Variants in ANKDD1A observed in about 807,000 individuals in gnomAD.
ANKDD1A encodes the protein ankyrin repeat and death domain containing 1A.
A neutral mutation model predicts 63.5 loss-of-function variants in ANKDD1A; 59 were observed. That is an observed-to-expected ratio of 0.93 (90% CI 0.75 to 1.15). The LOEUF (loss-of-function observed/expected upper bound fraction) is 1.15, where lower values mean the gene tolerates loss of function less well. Among genes scored for constraint, ANKDD1A ranks in the 50% most tolerant of loss-of-function variants. ANKDD1A has a pLI of 0.00. For synonymous variants in ANKDD1A, 266 were observed against 263.9 expected (o/e 1.01, Z -0.08); for missense variants, 632 against 656.4 (o/e 0.96, Z 0.41).
In ANKDD1A at chr15:64,949,865, G is replaced by A. The variant is rs534249413; in HGVS notation, c.1376G>A (p.Gly459Asp). The A allele has an allele frequency of 4.4e-6, 7 of 1,603,260 alleles. No individual in the cohort carries two copies. Among genetic ancestry groups the A allele is most frequent in the South Asian group, 1.1e-5 (1 of 91,080 alleles). ...WTGTRSYQEH[G>D]HRMLLIWLHG... ...GGCACCAGGAGCTATCAGGAGCACG[G>A]CCACCGAATGCTGCTCATTTGGCTG... is the stretch of plus-strand genomic sequence containing the variant. The change falls in exon 14 of 15, where the codon GGC becomes GAC. Residue 459 changes from glycine to aspartate, a missense_variant. Gly to Asp is a moderately conservative substitution (Grantham distance 94, BLOSUM62 -1). Transcript: ENST00000319580.
At chr15:64,954,921 C>T (rs1206273452) in intron 14 of ANKDD1A, among the ~76,000 whole-genome samples, 1 of 29,124 alleles carries the variant, frequency 3.4e-5, no homozygotes, top group Non-Finnish European at 2.5e-4. Context: ...TCTTCTCTCT[C>T]CTTCTTCTCC....
chr15:64,945,625 T>TATATATATATATATATATAG (rs2085217357), intron 12 of ANKDD1A, among the ~76,000 whole-genome samples: 1 of 60,806 alleles, frequency 1.6e-5, no homozygotes, highest in Admixed American at 2.6e-4. Flanking sequence ...TATATATATA[T>TATATATATATATATATATAG]ATATATGAAC....
intron 14 of ANKDD1A, chr15:64,951,324 TTTCC>T (rs1566915402): frequency 1.4e-6 from 1 of 705,036 alleles, no homozygotes; most frequent in South Asian, 7.0e-5. Context: ...TTCTTTCTTC[TTTCC>T]TCTTTTTCTT....
intron 3 of ANKDD1A, among the ~76,000 whole-genome samples, chr15:64,919,018 A>G (rs1216685648): frequency 6.6e-6 from 1 of 152,198 alleles, no homozygotes; most frequent in Non-Finnish European, 1.5e-5. Context: ...TTGAAAAATA[A>G]GACAGCCTGC....
chr15:64,951,545 T>G (rs1277933480), intron 14 of ANKDD1A: 2 of 61,442 alleles, frequency 3.3e-5, no homozygotes, highest in Non-Finnish European at 6.6e-5. Context: ...CCCTCTTCTT[T>G]CTTCTCTTCT....
chr15:64,948,335 C>A (rs1164648771), intron 13 of ANKDD1A, among the ~76,000 whole-genome samples: 1 of 152,132 alleles, frequency 6.6e-6, no homozygotes, highest in Non-Finnish European at 1.5e-5. Context: ...ATATAAATAT[C>A]AGTTTTTCTC....
rs773434100 is a variant in ANKDD1A at position 64,926,053 on chromosome 15, C to T, written c.367-13C>T. The T allele has an allele frequency of 2.7e-5, 44 of 1,610,122 alleles. No homozygotes were observed. The highest frequency in any genetic ancestry group is 6.6e-5 in the South Asian group (6 of 90,308). ...TTCACAGACTGCAGGAACCCTCCTG[C>T]ACTTGTTTCCAGGATGGCCTGACCT... On this transcript the variant is annotated splice_polypyrimidine_tract_variant and intron_variant, in intron 4 of 14. Coordinates refer to ENST00000319580, the MANE Select transcript of ANKDD1A (RefSeq NM_182703.6).
At chr15:64,954,286 T>G (rs1195946596) in intron 14 of ANKDD1A, among the ~76,000 whole-genome samples, 1 of 104,296 alleles carries the variant, frequency 9.6e-6, no homozygotes, top group Non-Finnish European at 2.0e-5. Context: ...TTCTTCCTTC[T>G]TAGTTCTCCT....
intron 13 of ANKDD1A, 131 bp from the exon 14 acceptor site, chr15:64,949,709 CT>C: frequency 1.5e-6 from 2 of 1,368,734 alleles, no homozygotes; most frequent in South Asian, 2.7e-5. Flanking sequence ...GGAGAAGGGC[CT>C]TGGAGGCTTT....
Position 64,957,463 on chromosome 15 carries a change from A to ATCT in ANKDD1A, c.*277_*279dup, listed in dbSNP as rs201604257. On this transcript the variant is annotated 3_prime_UTR_variant, in exon 15 of 15. Coordinates refer to ENST00000319580, the MANE Select transcript of ANKDD1A (RefSeq NM_182703.6). ...ATTATTTTCAGTTTTCCAAAATTCT[A>ATCT]TCTTTAAACCTAAATAATTCAATTT... The ATCT allele has an allele frequency of 1.9e-5, 1 of 53,042 alleles. No individual in the cohort carries two copies. The highest frequency in any genetic ancestry group is 3.2e-4 in the Admixed American group (1 of 3,148). 3.3% of individuals were successfully genotyped at this position (53,042 alleles called of 1,614,324 possible). A position where few individuals can be genotyped will look rare whatever the true frequency, so the allele number is the denominator to read the frequency against.
chr15:64,913,324 G>T (rs752205026), intron 1 of ANKDD1A, among the ~76,000 whole-genome samples: 2 of 152,166 alleles, frequency 1.3e-5, no homozygotes, highest in Non-Finnish European at 2.9e-5. Flanking sequence ...TAGAACCCAG[G>T]CCTCTGTAAG....
At chr15:64,939,168 TTG>T (rs2085160456) in intron 9 of ANKDD1A, among the ~76,000 whole-genome samples, 1 of 151,888 alleles carries the variant, frequency 6.6e-6, no homozygotes, top group Non-Finnish European at 1.5e-5. Context: ...GCATGGTAGC[TTG>T]CACCTGTAAT....
At chr15:64,913,464 T>G (rs1595844587) in intron 1 of ANKDD1A, among the ~76,000 whole-genome samples, 1 of 151,124 alleles carries the variant, frequency 6.6e-6, no homozygotes, top group South Asian at 2.1e-4. Context: ...TGCCAGGGGG[T>G]TTTCATATCT....
Position 64,943,595 on chromosome 15 carries a change from A to G in ANKDD1A, c.1065+13A>G, listed in dbSNP as rs374249541. ...CCTGAGAGATAAGGTACCTCTGCTT[A>G]CAACCCACCTCGCTTCAGGCTTTCA... On this transcript the variant is annotated intron_variant, in intron 11 of 14. Transcript: ENST00000319580. 15 of 1,612,902 alleles carry G rather than the reference A, an allele frequency of 9.3e-6. No individual in the cohort carries two copies. Among genetic ancestry groups the G allele is most frequent in the Non-Finnish European group, 1.2e-5 (14 of 1,179,012 alleles).
chr15:64,938,902 G>A (rs1306066641), intron 9 of ANKDD1A, among the ~76,000 whole-genome samples: 3 of 150,142 alleles, frequency 2.0e-5, no homozygotes, highest in Admixed American at 2.0e-4. Flanking sequence ...CCGAGATCGC[G>A]CCACTGCACG....
intron 9 of ANKDD1A, among the ~76,000 whole-genome samples, chr15:64,941,426 T>C (rs2085183987): frequency 6.6e-6 from 1 of 152,194 alleles, no homozygotes; most frequent in Admixed American, 6.5e-5. Flanking sequence ...GTAAGGGCCT[T>C]CCTGCTGTGT....
At chr15:64,926,002 C>CT in intron 4 of ANKDD1A, 64 bp from the exon 5 acceptor site, 1 of 1,440,756 alleles carries the variant, frequency 6.9e-7, no homozygotes, top group Non-Finnish European at 9.6e-7. Flanking sequence ...GTTTGGGAGA[C>CT]TGGCAGTGTG....
intron 14 of ANKDD1A, among the ~76,000 whole-genome samples, chr15:64,954,369 TCTTC>T (rs1208180973): frequency 1.2e-3 from 22 of 18,688 alleles, no homozygotes; most frequent in East Asian, 7.9e-3. Flanking sequence ...TTCTCCTTCT[TCTTC>T]CTTTTCTTTT....
At chr15:64,929,029 C>T (rs960149975) in intron 6 of ANKDD1A, among the ~76,000 whole-genome samples, 2 of 152,264 alleles carry the variant, frequency 1.3e-5, no homozygotes, top group Admixed American at 6.5e-5. Context: ...ACAGAGATTT[C>T]ACGCTGTGAT....
Sources: allele counts gnomAD v4.1 joint callset (sites outside exome capture counted in the v4.1 genomes callset), GRCh38; gene constraint gnomAD v4.1.1; transcripts MANE v1.5; gene names NCBI Gene and HGNC (gene_info 2026-07-23, HGNC 2026-07-21).